CELF2: variants seen among roughly 807,000 people sequenced by gnomAD.
CELF2 encodes CUGBP Elav-like family member 2.
CELF2 carries 8 observed loss-of-function variants against 62.6 expected under a neutral mutation model. The observed-to-expected ratio is 0.13, with a 90% CI of 0.07 to 0.23. CELF2 has a LOEUF of 0.23. Ranked by LOEUF, CELF2 falls within the 10% of genes least tolerant of loss-of-function variation. The pLI is 1.00. For synonymous variants in CELF2, 258 were observed against 250.0 expected (o/e 1.03, Z -0.30); for missense variants, 333 against 671.0 (o/e 0.50, Z 5.56).
rs1473687931 is a variant in CELF2, at chr10:11,159,686, T to C, written c.75-5800T>C. On this transcript the variant is annotated intron_variant, in intron 1 of 12. Coordinates refer to ENST00000633077, the MANE Select transcript of CELF2 (RefSeq NM_001326342.2). The surrounding 1 kb of genome is among the most constrained non-coding windows in gnomAD (Gnocchi z 5.0). Reference sequence around the variant, plus strand: ...TGTAGAGATTGTTAATATTAATGAATTTCATGTCTGTCCTGTTACCCGCCG... The same window carrying C: ...TGTAGAGATTGTTAATATTAATGAACTTCATGTCTGTCCTGTTACCCGCCG... Among the ~76,000 whole-genome samples, 4 of 152,176 alleles carry C rather than the reference T, an allele frequency of 2.6e-5. No individual in the cohort carries two copies. The highest frequency in any genetic ancestry group is 4.4e-5 in the Non-Finnish European group (3 of 68,028).
chr10:10,654,429 A>C, the CELF2 span, among the ~76,000 whole-genome samples: 5 of 112,360 alleles, frequency 4.4e-5, 1 homozygote, highest in African/African-American at 1.3e-4. Context: ...AGAGAATTTT[A>C]GACCAATATC....
chr10:10,882,897 A>G (rs1025791933), intron 1 of CELF2, among the ~76,000 whole-genome samples: 55 of 152,278 alleles, frequency 3.6e-4, no homozygotes, highest in Admixed American at 3.0e-3. Context: ...TTCTGTTATA[A>G]TAATATGATC....
chr10:10,549,369 C>T, the CELF2 span, among the ~76,000 whole-genome samples: 379 of 152,228 alleles, frequency 2.5e-3, 1 homozygote, highest in Middle Eastern at 0.014. Flanking sequence ...CTGCAACTTC[C>T]GCCTCCTGTG....
chr10:11,146,008 C>A (rs542989811), intron 1 of CELF2, among the ~76,000 whole-genome samples: 2 of 152,290 alleles, frequency 1.3e-5, no homozygotes, highest in South Asian at 4.1e-4. Context: ...TAAAACATTT[C>A]ACTAAATCCT....
the CELF2 span, among the ~76,000 whole-genome samples, chr10:10,543,347 T>G: frequency 6.6e-6 from 1 of 152,176 alleles, no homozygotes; most frequent in Non-Finnish European, 1.5e-5. Context: ...CCCTCCTAAG[T>G]GAGCTGAAGG....
chr10:10,596,999 CA>C, the CELF2 span, among the ~76,000 whole-genome samples: 1 of 152,176 alleles, frequency 6.6e-6, no homozygotes, highest in African/African-American at 2.4e-5. Flanking sequence ...TCTCATCTGC[CA>C]ACTACTACCA....
intron 2 of CELF2, chr10:10,925,027 GT>G (rs2065330375): frequency 6.6e-6 from 1 of 152,150 alleles, no homozygotes; most frequent in South Asian, 2.1e-4. Flanking sequence ...ATATTTCTCA[GT>G]CATGGATGTG....
chr10:11,187,598 T>G (rs1420015033), intron 2 of CELF2, among the ~76,000 whole-genome samples: 2 of 148,632 alleles, frequency 1.3e-5, no homozygotes, highest in East Asian at 4.0e-4. Flanking sequence ...TGTTCTTCCC[T>G]TTTGCCTCTT....
chr10:11,085,600 G>T (rs908490192), intron 1 of CELF2, among the ~76,000 whole-genome samples: 2 of 152,048 alleles, frequency 1.3e-5, no homozygotes, highest in African/African-American at 4.8e-5. Flanking sequence ...TTACAGATGG[G>T]CCGTTGAGGC....
rs1373387123 is a variant in CELF2 at position 11,260,640 on chromosome 10, T to G, written c.538+2768T>G. On this transcript the variant is annotated intron_variant, in intron 5 of 12. Transcript: ENST00000633077. The surrounding 1 kb of genome is among the most constrained non-coding windows in gnomAD (Gnocchi z 4.2). ...GTGGAAAGAGGAGAAAACTTTTCCC[T>G]CCCCATCTGTTTTTTTTTTTTTTAA... is the stretch of plus-strand genomic sequence containing the variant. Among the ~76,000 whole-genome samples the G allele has an allele frequency of 1.3e-5, 2 of 149,166 alleles. No individual in the cohort carries two copies. Among genetic ancestry groups the G allele is most frequent in the Non-Finnish European group, 3.0e-5 (2 of 67,546 alleles).
At chr10:10,640,719 C>T in the CELF2 span, among the ~76,000 whole-genome samples, 3 of 152,182 alleles carry the variant, frequency 2.0e-5, no homozygotes, top group Non-Finnish European at 2.9e-5. Flanking sequence ...TAAATCTGTG[C>T]ACCTTGTTAG....
chr10:11,139,999 A>G (rs1012318516), intron 1 of CELF2, among the ~76,000 whole-genome samples: 1 of 152,176 alleles, frequency 6.6e-6, no homozygotes, highest in African/African-American at 2.4e-5. Context: ...AGGAGGTTCA[A>G]ACCGGAAATG....
At chr10:10,789,679 C>T in the CELF2 span, among the ~76,000 whole-genome samples, 189 of 151,980 alleles carry the variant, frequency 1.2e-3, no homozygotes, top group African/African-American at 4.3e-3. Flanking sequence ...TGCTATATTG[C>T]ATTTTGTTTT....
chr10:11,257,766 A>C lies in CELF2; in HGVS notation c.432A>C (p.Gly144=). 2 of 1,614,044 alleles carry C rather than the reference A, an allele frequency of 1.2e-6. No homozygotes were observed. Reference sequence around the variant, plus strand: ...TGGAAGACAGAAAATTGTTCATAGGAATGGTATCGAAGAAATGTAATGAGA... The same window carrying C: ...TGGAAGACAGAAAATTGTTCATAGGCATGGTATCGAAGAAATGTAATGAGA... ...NAVEDRKLFI[G]MVSKKCNEND... The change falls in exon 5 of 13, where the codon GGA becomes GGC. Residue 144 remains glycine, a synonymous_variant. Coordinates refer to ENST00000633077, the MANE Select transcript of CELF2 (RefSeq NM_001326342.2).
intron 1 of CELF2, among the ~76,000 whole-genome samples, chr10:10,818,615 G>A (rs1046989412): frequency 8.2e-5 from 12 of 146,360 alleles, no homozygotes; most frequent in Admixed American, 2.8e-4. Context: ...GTGCAGTGGC[G>A]CGATCTCAAC....
rs2095895961 is a variant in CELF2, at chr10:11,328,797, G to GA, written c.1439-128dup. 9.7e-7 allele frequency: 1 copy of GA among 1,032,776 alleles called. No homozygotes were observed. The highest frequency in any genetic ancestry group is 1.6e-5 in the South Asian group (1 of 61,962). 64.0% of individuals were successfully genotyped at this position (1,032,776 alleles called of 1,614,324 possible). The stretch of plus-strand genomic sequence containing the variant: ...CGGTGGACTCACGATCAGTTCCGCA[G>GA]AGCTGTGCTGGGCCCGTGGGGCTGG... On this transcript the variant is annotated intron_variant, in intron 12 of 12. Transcript: ENST00000633077. This position sits in a 1 kb window ranked among gnomAD's most constrained non-coding sequence, Gnocchi z 6.4.
At chr10:10,685,537 T>A in the CELF2 span, among the ~76,000 whole-genome samples, 1 of 152,222 alleles carries the variant, frequency 6.6e-6, no homozygotes, top group Non-Finnish European at 1.5e-5. Context: ...TATCAGAATG[T>A]ATTTTAGATA....
At chr10:11,199,964 CA>C (rs780468774) in intron 2 of CELF2, among the ~76,000 whole-genome samples, 3 of 152,198 alleles carry the variant, frequency 2.0e-5, no homozygotes, top group Non-Finnish European at 4.4e-5. Flanking sequence ...ATTGATGTCA[CA>C]AAACTGGGTC....
the CELF2 span, among the ~76,000 whole-genome samples, chr10:10,567,377 G>C: frequency 6.6e-6 from 1 of 152,166 alleles, no homozygotes; most frequent in Non-Finnish European, 1.5e-5. Context: ...TCACAGGTCG[G>C]GTTCCCTGGG....
Sources: gnomAD v4.1 joint callset for allele counts (sites outside exome capture counted in the v4.1 genomes callset) on GRCh38, gnomAD v4.1.1 for gene constraint, Gnocchi (gnomAD v3.1) non-coding constraint, MANE v1.5 for transcripts, NCBI Gene and HGNC (gene_info 2026-07-23, HGNC 2026-07-21) for gene names.